The following PTPRC variants were observed in gnomAD, a reference collection of about 807,000 sequenced individuals.
PTPRC encodes the protein receptor-type tyrosine-protein phosphatase C.
PTPRC carries 44 observed loss-of-function variants against 155.9 expected under a neutral mutation model. The ratio of observed to expected loss-of-function variants is 0.28; its 90% confidence interval spans 0.22 to 0.36. The LOEUF (loss-of-function observed/expected upper bound fraction) is 0.36. Ranked by LOEUF, PTPRC falls within the 10% of genes least tolerant of loss-of-function variation. PTPRC has a pLI of 1.00. For synonymous variants in PTPRC, 525 were observed against 533.1 expected (o/e 0.98, Z 0.21); for missense variants, 1,401 against 1,564.6 (o/e 0.90, Z 1.76).
intron 2 of PTPRC, among the ~76,000 whole-genome samples, chr1:198,669,251 T>C (rs1664508903): frequency 6.6e-6 from 1 of 152,184 alleles, no homozygotes; most frequent in South Asian, 2.1e-4. Flanking sequence ...GACTAATGCT[T>C]AGTGTTGTTT....
intron 9 of PTPRC, 93 bp from the exon 10 acceptor site, chr1:198,708,040 C>G: frequency 8.4e-7 from 1 of 1,196,052 alleles, no homozygotes; most frequent in Non-Finnish European, 1.2e-6. Context: ...AGCATAATTT[C>G]AGTGGCTTTA....
At chr1:198,672,414 G>A (rs996118857) in intron 2 of PTPRC, among the ~76,000 whole-genome samples, 6 of 152,016 alleles carry the variant, frequency 3.9e-5, no homozygotes, top group African/African-American at 9.7e-5. Context: ...TACTCTGTTC[G>A]AGTTCCTTTT....
At position 198,691,496 on chromosome 1, in the gene PTPRC, C is replaced by T. The variant is rs1031421529; in HGVS notation, c.74-851C>T. Among the ~76,000 whole-genome samples, 23 of 152,148 alleles carry T rather than the reference C, an allele frequency of 1.5e-4. No individual in the cohort carries two copies. The South Asian group carries it at 1.9e-3, about 12-fold the overall frequency. ...TTTCTTTTGGGGTATACTCTTCCTA[C>T]GTAGGACATCATCTCTGTCTGTTTT... On this transcript the variant is annotated intron_variant, in intron 2 of 32. Transcript: ENST00000442510.
At chr1:198,695,786 G>A (rs772031594) in intron 3 of PTPRC, among the ~76,000 whole-genome samples, 2 of 152,128 alleles carry the variant, frequency 1.3e-5, no homozygotes, top group Non-Finnish European at 2.9e-5. Flanking sequence ...TTGGTTGTTT[G>A]TAAACCTAGT....
intron 20 of PTPRC, 70 bp downstream of exon 20, chr1:198,732,626 T>C (rs1654448084): frequency 3.3e-6 from 4 of 1,199,798 alleles, no homozygotes; most frequent in Non-Finnish European, 4.8e-6. Flanking sequence ...TTGGTAAAAT[T>C]TTAGAAATAT....
intron 14 of PTPRC, among the ~76,000 whole-genome samples, chr1:198,718,787 T>C (rs937979043): frequency 2.0e-5 from 3 of 152,160 alleles, no homozygotes; most frequent in Non-Finnish European, 4.4e-5. Context: ...ATTTTGTACA[T>C]GTAACTTCAT....
At chr1:198,724,183 G>A (rs1391958971) in intron 15 of PTPRC, among the ~76,000 whole-genome samples, 1 of 152,124 alleles carries the variant, frequency 6.6e-6, no homozygotes, top group East Asian at 1.9e-4. Flanking sequence ...TTCACTCTCT[G>A]CTCACAATAT....
rs1655741059 is a variant in PTPRC at position 198,757,453 on chromosome 1, G to GTAA, written c.*1276_*1278dup. 6.6e-6 allele frequency: 1 copy of GTAA among 151,528 alleles called. No individual in the cohort carries two copies. The highest frequency in any genetic ancestry group is 1.5e-5 in the Non-Finnish European group (1 of 67,758). 9.4% of individuals were successfully genotyped at this position (151,528 alleles called of 1,614,324 possible). ...CAAGAATAGTGGTATTTTTCATGAA[G>GTAA]TAATAAAAACTCGTTTTGGTGAATT... On this transcript the variant is annotated 3_prime_UTR_variant, in exon 33 of 33. Transcript: ENST00000442510.
intron 2 of PTPRC, 146 bp from the exon 3 acceptor site, chr1:198,692,201 T>A: frequency 2.0e-6 from 1 of 495,032 alleles, no homozygotes. Context: ...GGAAATATAG[T>A]TTCATTAGGG....
At chr1:198,675,714 G>T (rs1304976406) in intron 2 of PTPRC, among the ~76,000 whole-genome samples, 1 of 152,078 alleles carries the variant, frequency 6.6e-6, no homozygotes, top group African/African-American at 2.4e-5. Flanking sequence ...CTGGTAAACT[G>T]ATCACTTGAG....
intron 14 of PTPRC, 50 bp from the exon 15 acceptor site, chr1:198,722,366 A>AT: frequency 2.2e-6 from 2 of 914,402 alleles, no homozygotes; most frequent in Non-Finnish European, 3.1e-6. Context: ...ATATATATAT[A>AT]AATTCACATT....
At chr1:198,678,206 G>T (rs1665073797) in intron 2 of PTPRC, among the ~76,000 whole-genome samples, 1 of 152,102 alleles carries the variant, frequency 6.6e-6, no homozygotes, top group Admixed American at 6.5e-5. Context: ...TACTGTGTAG[G>T]ATACAAGGGA....
intron 2 of PTPRC, among the ~76,000 whole-genome samples, chr1:198,683,867 A>G (rs920048713): frequency 1.3e-5 from 2 of 152,136 alleles, no homozygotes; most frequent in African/African-American, 4.8e-5. Flanking sequence ...GTTACATTGT[A>G]CAAATGTCCT....
In PTPRC at chr1:198,709,820, T is replaced by C. The variant is rs373956784; in HGVS notation, c.1167T>C (p.Phe389=). 4.3e-6 allele frequency: 7 copies of C among 1,611,524 alleles called. No individual in the cohort carries two copies. Among genetic ancestry groups the C allele is most frequent in the Non-Finnish European group, 5.9e-6 (7 of 1,178,718 alleles). ...CAAGTAAAATTATTAAAACAGATTT[T>C]GGGAGTGAGTATGTTACTTGCATTT... ...TNASKIIKTD[F]GSPGEPQIIF... The change falls in exon 11 of 33, where the codon TTT becomes TTC. Residue 389 remains phenylalanine, a synonymous_variant. Coordinates refer to ENST00000442510, the MANE Select transcript of PTPRC (RefSeq NM_002838.5).
chr1:198,732,426 A>G (rs199813682), intron 19 of PTPRC, 36 bp downstream of exon 19: 1 of 1,596,952 alleles, frequency 6.3e-7, no homozygotes, highest in East Asian at 2.2e-5. Context: ...CCCATATATT[A>G]GGCTACTTGA....
chr1:198,702,137 A>AT (rs1171302076), intron 5 of PTPRC, among the ~76,000 whole-genome samples: 6 of 152,042 alleles, frequency 3.9e-5, no homozygotes, highest in Non-Finnish European at 8.8e-5. Context: ...CAAACTATAT[A>AT]TTTTTTTAAG....
intron 2 of PTPRC, among the ~76,000 whole-genome samples, chr1:198,684,523 T>C (rs947059193): frequency 2.0e-5 from 3 of 151,970 alleles, no homozygotes; most frequent in Non-Finnish European, 2.9e-5. Flanking sequence ...TGCATTATTA[T>C]TTAAAAGTGT....
chr1:198,756,442 GT>G lies in PTPRC; in HGVS notation c.*262del. 1 of 472,232 alleles carries G rather than the reference GT, an allele frequency of 2.1e-6. No individual in the cohort carries two copies. Among genetic ancestry groups the G allele is most frequent in the South Asian group, 2.2e-5 (1 of 45,582 alleles). 29.3% of individuals were successfully genotyped at this position (472,232 alleles called of 1,614,324 possible). A position where few individuals can be genotyped will look rare whatever the true frequency, so the allele number is the denominator to read the frequency against. On this transcript the variant is annotated 3_prime_UTR_variant, in exon 33 of 33. Transcript: ENST00000442510. Reference sequence around the variant, plus strand: ...CTTTGTAATCGTTATGTGTGTATATGTATGTGTGTATGGGTGTGTGTTTGTG... The same window carrying G: ...CTTTGTAATCGTTATGTGTGTATATGATGTGTGTATGGGTGTGTGTTTGTG...
intron 2 of PTPRC, among the ~76,000 whole-genome samples, chr1:198,660,160 C>T (rs1640727492): frequency 1.3e-5 from 2 of 150,358 alleles, no homozygotes; most frequent in Admixed American, 1.3e-4. Flanking sequence ...TGACAAATGG[C>T]TTTCAGAAAA....
Sources: allele counts gnomAD v4.1 joint callset (sites outside exome capture counted in the v4.1 genomes callset), GRCh38; gene constraint gnomAD v4.1.1; transcripts MANE v1.5; gene names NCBI Gene and HGNC (gene_info 2026-07-23, HGNC 2026-07-21).